Variants in SLC27A2 observed in about 807,000 individuals in gnomAD.
The protein encoded by SLC27A2 is long-chain fatty acid transport protein 2.
In SLC27A2, 54 loss-of-function variants were observed where a neutral mutation model predicts 60.0. The ratio of observed to expected loss-of-function variants is 0.90; its 90% CI spans 0.72 to 1.13. The LOEUF is 1.13. SLC27A2 is among the 50% of genes most tolerant of loss of function. The probability of loss-of-function intolerance (pLI) is 0.00; values close to 1 mark genes in which losing one functional copy is unlikely to be tolerated. For synonymous variants in SLC27A2, 297 were observed against 297.6 expected (o/e 1.00, Z 0.02); for missense variants, 739 against 777.6 (o/e 0.95, Z 0.59).
At chr15:50,197,478 A>AT (rs1278629436) in intron 1 of SLC27A2, 22 bp from the exon 2 acceptor site, 3 of 1,576,578 alleles carry the variant, frequency 1.9e-6, no homozygotes, top group Admixed American at 3.3e-5. Context: ...GTTTGTTTTG[A>AT]TATTTTTCTT....
chr15:50,189,051 A>ATACG (rs898603101), intron 1 of SLC27A2, among the ~76,000 whole-genome samples: 11 of 152,130 alleles, frequency 7.2e-5, no homozygotes, highest in Non-Finnish European at 1.5e-4. Flanking sequence ...ACATACATAC[A>ATACG]TACATACATA....
intron 4 of SLC27A2, among the ~76,000 whole-genome samples, chr15:50,207,821 A>G (rs1398320989): frequency 6.6e-6 from 1 of 151,900 alleles, no homozygotes; most frequent in Non-Finnish European, 1.5e-5. Flanking sequence ...GAAAGAAAGA[A>G]AACAATCATA....
Position 50,202,581 on chromosome 15 carries a change from T to C in SLC27A2, c.783T>C (p.Tyr261=), listed in dbSNP as rs2045073617. ...GATTGAAGGCAGATGATGTCATCTA[T>C]ATCACTCTGCCCTTTTACCACAGTG... ...VSGLKADDVI[Y]ITLPFYHSAA... Residue 261 remains tyrosine (Y), a synonymous_variant, in exon 3 of 10, where the codon TAT becomes TAC. Transcript: ENST00000267842. 1.2e-6 allele frequency: 2 copies of C among 1,613,966 alleles called. No homozygotes were observed. Among genetic ancestry groups the C allele is most frequent in the Non-Finnish European group, 1.7e-6 (2 of 1,179,904 alleles).
intron 2 of SLC27A2, among the ~76,000 whole-genome samples, chr15:50,200,831 T>C (rs1214738249): frequency 1.3e-5 from 2 of 152,214 alleles, no homozygotes; most frequent in South Asian, 2.1e-4. Flanking sequence ...TACACTGAGA[T>C]ACGGTTTTTC....
chr15:50,232,378 G>C (rs572022781), intron 8 of SLC27A2, among the ~76,000 whole-genome samples: 1 of 152,236 alleles, frequency 6.6e-6, no homozygotes, highest in East Asian at 1.9e-4. Flanking sequence ...TGTGGCTAGT[G>C]CAACTAAGGA....
intron 5 of SLC27A2, among the ~76,000 whole-genome samples, chr15:50,224,336 A>G (rs1417512057): frequency 1.3e-5 from 2 of 152,152 alleles, no homozygotes; most frequent in African/African-American, 2.4e-5. Flanking sequence ...GCTACTCGGG[A>G]GGCTGAGGCA....
At chr15:50,201,844 C>G (rs998609415) in intron 2 of SLC27A2, among the ~76,000 whole-genome samples, 1 of 152,074 alleles carries the variant, frequency 6.6e-6, no homozygotes. Context: ...CGTGAGCCAC[C>G]GCGCCTGGCC....
In SLC27A2 at chr15:50,226,198, TA is replaced by T. The variant is rs1161089681; in HGVS notation, c.1258+121del. On this transcript the variant is annotated intron_variant, in intron 6 of 9. Transcript: ENST00000267842. Reference sequence around the variant, plus strand: ...TATCAGAGTGGGGAAAAGGGGGGTTTATTTAAGTACCCTCCAATATACAGGA... The same window carrying T: ...TATCAGAGTGGGGAAAAGGGGGGTTTTTTAAGTACCCTCCAATATACAGGA... 3 of 639,358 alleles carry T rather than the reference TA, an allele frequency of 4.7e-6. No homozygotes were observed. In the Admixed American group the frequency reaches 7.5e-5, roughly 16 times the overall value. 39.6% of individuals were successfully genotyped at this position (639,358 alleles called of 1,614,324 possible).
At chr15:50,186,245 A>G (rs1477702774) in intron 1 of SLC27A2, among the ~76,000 whole-genome samples, 1 of 152,074 alleles carries the variant, frequency 6.6e-6, no homozygotes, top group Admixed American at 6.6e-5. Context: ...CCCTGTCTCA[A>G]AACAAAAAAA....
Position 50,182,571 on chromosome 15 carries a change from G to A in SLC27A2, c.144G>A (p.Lys48=), listed in dbSNP as rs2044867154. 5 of 1,610,614 alleles carry A rather than the reference G, an allele frequency of 3.1e-6. No homozygotes were observed. The East Asian group carries it at 8.9e-5, about 29-fold the overall frequency. ...GCCGGAGGGTGCGCAGCTACGGGAA[G>A]CGGCGGCCGGCGCGCACCATCCTGC... ...AVGRRVRSYG[K]RRPARTILRA... is the part of the protein sequence containing the mutation. Residue 48 remains lysine, a synonymous_variant, in exon 1 of 10, where the codon AAG becomes AAA. Coordinates refer to ENST00000267842, the MANE Select transcript of SLC27A2 (RefSeq NM_003645.4).
At position 50,226,234 on chromosome 15, in the gene SLC27A2, G is replaced by T. The variant is rs142495801; in HGVS notation, c.1258+156G>T. The T allele has an allele frequency of 2.4e-3, 1,282 of 529,208 alleles. 17 individuals are homozygous for T. The highest frequency in any genetic ancestry group is 0.022 in the African/African-American group (1,171 of 53,046). The allele number at this position is 529,208 out of a possible 1,614,324, so 32.8% of individuals were successfully genotyped here. A position where few individuals can be genotyped will look rare whatever the true frequency, so the allele number is the denominator to read the frequency against. On this transcript the variant is annotated intron_variant, in intron 6 of 9. Transcript: ENST00000267842. ...CCTCCAATATACAGGAATTCCAAAGGTGCTAATTTACCGCTGCATGTAACA... is the reference window on the plus strand; with the variant it reads ...CCTCCAATATACAGGAATTCCAAAGTTGCTAATTTACCGCTGCATGTAACA...
chr15:50,200,166 T>C (rs1330265626), intron 2 of SLC27A2, among the ~76,000 whole-genome samples: 1 of 152,198 alleles, frequency 6.6e-6, no homozygotes, highest in Non-Finnish European at 1.5e-5. Flanking sequence ...TGATGGCTCA[T>C]ATCTATAATC....
At chr15:50,231,139 C>T (rs935734069) in intron 8 of SLC27A2, among the ~76,000 whole-genome samples, 1 of 142,396 alleles carries the variant, frequency 7.0e-6, no homozygotes, top group Non-Finnish European at 1.5e-5. Flanking sequence ...CTGAATTGTA[C>T]ACTTTTTTTT....
In SLC27A2 at chr15:50,202,605, T is replaced by A; in HGVS notation, c.807T>A (p.Ser269Arg). The change falls in exon 3 of 10, where the codon AGT (serine) becomes AGA (arginine). Residue 269 changes from serine to arginine, a missense_variant. Ser to Arg is a moderately radical substitution (Grantham distance 110, BLOSUM62 -1). Transcript: ENST00000267842. ...VIYITLPFYH[S>R]AALLIGIHGC... is the part of the protein sequence containing the mutation. The stretch of plus-strand genomic sequence containing the variant: ...ATATCACTCTGCCCTTTTACCACAG[T>A]GCTGCACTACTGATTGGCATTCACG... 1 of 1,614,216 alleles carries A rather than the reference T, an allele frequency of 6.2e-7. No individual in the cohort carries two copies. The highest frequency in any genetic ancestry group is 8.5e-7 in the Non-Finnish European group (1 of 1,180,030).
At chr15:50,197,451 T>A in intron 1 of SLC27A2, 49 bp from the exon 2 acceptor site, 1 of 1,453,998 alleles carries the variant, frequency 6.9e-7, no homozygotes, top group Non-Finnish European at 9.6e-7. Context: ...CTAATAGAAC[T>A]TTAATAGACT....
intron 5 of SLC27A2, 30 bp downstream of exon 5, chr15:50,223,189 T>A: frequency 6.5e-7 from 1 of 1,532,318 alleles, no homozygotes; most frequent in Non-Finnish European, 8.9e-7. Flanking sequence ...AGAGCATACG[T>A]AGCCAGTTTT....
At chr15:50,208,400 G>A (rs1173799221) in intron 4 of SLC27A2, among the ~76,000 whole-genome samples, 1 of 152,174 alleles carries the variant, frequency 6.6e-6, no homozygotes. Context: ...TGGCATTGGA[G>A]CAGGATAGTT....
chr15:50,224,569 C>G (rs2045266565), intron 5 of SLC27A2, among the ~76,000 whole-genome samples: 1 of 152,140 alleles, frequency 6.6e-6, no homozygotes, highest in Non-Finnish European at 1.5e-5. Flanking sequence ...ATATTCTGGC[C>G]TAATCTCAAG....
At position 50,223,351 on chromosome 15, in the gene SLC27A2, ATCTCAACT is replaced by A. The variant is rs568782157; in HGVS notation, c.1167+196_1167+203del. The stretch of plus-strand genomic sequence containing the variant: ...AAAATCAGATCCTCCAATTAAAAGC[ATCTCAACT>A]TCTATTAAGAACAATCCATTGTGCC... On this transcript the variant is annotated intron_variant, in intron 5 of 9. Transcript: ENST00000267842. 1.1e-4 allele frequency among the ~76,000 whole-genome samples: 17 copies of A among 152,332 alleles called. No homozygotes were observed. In the South Asian group the frequency reaches 3.5e-3, roughly 32 times the overall value.
Sources: gnomAD v4.1 joint callset for allele counts (sites outside exome capture counted in the v4.1 genomes callset) on GRCh38, gnomAD v4.1.1 for gene constraint, MANE v1.5 for transcripts, NCBI Gene and HGNC (gene_info 2026-07-23, HGNC 2026-07-21) for gene names.